Variants in REXO5 observed in about 807,000 individuals in gnomAD.
REXO5 encodes the protein RNA exonuclease 5, also known as exonuclease NEF-sp.
Under a neutral mutation model 88.5 loss-of-function variants are expected in REXO5, and 48 were observed. The ratio of observed to expected loss-of-function variants is 0.54; its 90% CI spans 0.43 to 0.69. The LOEUF is 0.69. Ranked by LOEUF, REXO5 falls within the 30% of genes least tolerant of loss-of-function variation. The pLI is 0.00. For synonymous variants in REXO5, 311 were observed against 336.5 expected (o/e 0.92, Z 0.83); for missense variants, 749 against 912.2 (o/e 0.82, Z 2.30).
At chr16:20,838,587 T>C (rs957326973) in intron 13 of REXO5, among the ~76,000 whole-genome samples, 4 of 152,228 alleles carry the variant, frequency 2.6e-5, no homozygotes, top group African/African-American at 9.6e-5. Context: ...GGGTTATGCA[T>C]GTGCCTTTAG....
chr16:20,806,606 G>A lies in REXO5; in HGVS notation c.-102G>A. On this transcript the variant is annotated 5_prime_UTR_variant, in exon 1 of 20. Transcript: ENST00000261377. ...TCTTCTGCGTTTCCCGGGCTAGGGG[G>A]CGTGGGGAGTGGTTTTAGGCGGCGA... is the stretch of plus-strand genomic sequence containing the variant. 1 of 1,413,944 alleles carries A rather than the reference G, an allele frequency of 7.1e-7. No homozygotes were observed. The highest frequency in any genetic ancestry group is 9.3e-7 in the Non-Finnish European group (1 of 1,075,482). 87.6% of individuals were successfully genotyped at this position (1,413,944 alleles called of 1,614,324 possible).
At chr16:20,807,585 GAAAAAAAA>G (rs1013842567) in intron 2 of REXO5, among the ~76,000 whole-genome samples, 2 of 50,582 alleles carry the variant, frequency 4.0e-5, no homozygotes, top group Non-Finnish European at 7.7e-5. Flanking sequence ...TCACGTCTCA[GAAAAAAAA>G]AAAAAAAAAA....
In REXO5 at chr16:20,824,540, T is replaced by C. The variant is rs1409787869; in HGVS notation, c.705+13T>C. The C allele has an allele frequency of 8.4e-6, 13 of 1,550,200 alleles. No individual in the cohort carries two copies. Among genetic ancestry groups the C allele is most frequent in the Non-Finnish European group, 1.1e-5 (12 of 1,123,076 alleles). On this transcript the variant is annotated intron_variant, in intron 7 of 19. Coordinates refer to ENST00000261377, the MANE Select transcript of REXO5 (RefSeq NM_030941.3). ...TGACTGTGAAATGGCACGTACTACT[T>C]TTAATTTTTCAATTGGAGTGTTGCA... is the stretch of plus-strand genomic sequence containing the variant.
Position 20,814,995 on chromosome 16 carries a change from A to T in REXO5, c.320A>T (p.Gln107Leu). The change falls in exon 4 of 20, where the codon CAG becomes CTG. Residue 107 changes from glutamine to leucine, a missense_variant. By Grantham distance (113) the Gln-to-Leu change is moderately radical. Transcript: ENST00000261377. ...GTTTTTGTTCTGCAGGGAATGAGTC[A>T]GCTACACTTTTACAGGTTCTATTTG... The part of the protein sequence containing the change: ...VVVFVLQGMS[Q>L]LHFYRFYLEF... 1 of 1,613,980 alleles carries T rather than the reference A, an allele frequency of 6.2e-7. No homozygotes were observed. The highest frequency in any genetic ancestry group is 8.5e-7 in the Non-Finnish European group (1 of 1,179,982).
chr16:20,809,009 G>C (rs1159527863), intron 2 of REXO5: 1 of 151,720 alleles, frequency 6.6e-6, no homozygotes, highest in Non-Finnish European at 1.5e-5. Context: ...TTACATGTGT[G>C]AGCCACTGCA....
At chr16:20,816,294 C>A in intron 5 of REXO5, 82 bp downstream of exon 5, 1 of 1,178,598 alleles carries the variant, frequency 8.5e-7, no homozygotes, top group Non-Finnish European at 1.2e-6. Flanking sequence ...CACAACAAAA[C>A]TCAATTCTAA....
chr16:20,806,931 C>G (rs1355008736), intron 1 of REXO5, 21 bp from the exon 2 acceptor site: 1 of 1,567,986 alleles, frequency 6.4e-7, no homozygotes, highest in Non-Finnish European at 8.7e-7. Context: ...TTCCCCAGCT[C>G]TACCTCATCT....
chr16:20,844,607 A>G (rs1330656474), intron 16 of REXO5, 22 bp from the exon 17 acceptor site: 1 of 1,608,996 alleles, frequency 6.2e-7, no homozygotes, highest in Non-Finnish European at 8.5e-7. Flanking sequence ...TTCTACCACT[A>G]ACACCAACTT....
intron 11 of REXO5, among the ~76,000 whole-genome samples, chr16:20,831,928 A>T (rs1442357732): frequency 6.6e-6 from 1 of 152,222 alleles, no homozygotes; most frequent in East Asian, 1.9e-4. Flanking sequence ...TAACAATGTT[A>T]GTAGCTGATA....
At chr16:20,811,823 A>G (rs183460277) in intron 2 of REXO5, among the ~76,000 whole-genome samples, 24 of 152,384 alleles carry the variant, frequency 1.6e-4, no homozygotes, top group Admixed American at 1.6e-3. Context: ...TTAAGTACTT[A>G]TGTCAGGTAC....
At chr16:20,810,649 G>T (rs901773452) in intron 2 of REXO5, among the ~76,000 whole-genome samples, 2 of 152,110 alleles carry the variant, frequency 1.3e-5, no homozygotes, top group Non-Finnish European at 2.9e-5. Context: ...GCCCACCTCG[G>T]CTTCGCAAAG....
At position 20,847,276 on chromosome 16, in the gene REXO5, A is replaced by C. The variant is rs565387879; in HGVS notation, c.2243+937A>C. Among the ~76,000 whole-genome samples, 27 of 151,030 alleles carry C rather than the reference A, an allele frequency of 1.8e-4. 1 individual carries two copies. The highest frequency in any genetic ancestry group is 4.6e-4 in the Admixed American group (7 of 15,184). On this transcript the variant is annotated intron_variant, in intron 19 of 19. Transcript: ENST00000261377. ...AACACACACACAAAAAAAAAAACAA[A>C]AAAAAAAAACCCAGCCAGGTTTGGT...
intron 11 of REXO5, among the ~76,000 whole-genome samples, chr16:20,831,135 A>T (rs2081338220): frequency 6.6e-6 from 1 of 151,870 alleles, no homozygotes; most frequent in Non-Finnish European, 1.5e-5. Context: ...CCAGCTACAA[A>T]TAACTTACTT....
rs185618153 is a variant in REXO5, at chr16:20,841,744, G to A, written c.1626+1276G>A. On this transcript the variant is annotated intron_variant, in intron 15 of 19. Transcript: ENST00000261377. ...CCTCAGCCTCCCAAGTAGCTGAGAC[G>A]ACAGGTATGTGCCCCCACGCCTGGC... Among the ~76,000 whole-genome samples the A allele has an allele frequency of 1.8e-3, 271 of 152,110 alleles. 8 individuals are homozygous for A. The South Asian group carries it at 0.05, about 28-fold the overall frequency.
rs578016722 is a variant in REXO5 at position 20,845,375 on chromosome 16, C to A, written c.2124+134C>A. 9 of 634,424 alleles carry A rather than the reference C, an allele frequency of 1.4e-5. No individual in the cohort carries two copies. In the African/African-American group the frequency reaches 1.7e-4, roughly 12 times the overall value. The allele number at this position is 634,424 out of a possible 1,614,324, so 39.3% of individuals were successfully genotyped here. On this transcript the variant is annotated intron_variant, in intron 18 of 19. Coordinates refer to ENST00000261377, the MANE Select transcript of REXO5 (RefSeq NM_030941.3). ...CTCTCCAGCTTCCTCCAGTCCTGGC[C>A]ACATCTTTTCTCGCAGATCTCTCAT... is the stretch of plus-strand genomic sequence containing the variant.
At chr16:20,833,291 C>G (rs887789411) in intron 13 of REXO5, among the ~76,000 whole-genome samples, 168 bp downstream of exon 13, 1 of 152,172 alleles carries the variant, frequency 6.6e-6, no homozygotes, top group African/African-American at 2.4e-5. Context: ...CTCATAGGGG[C>G]AGAACTGTCA....
At chr16:20,847,223 A>C (rs1400926920) in intron 19 of REXO5, among the ~76,000 whole-genome samples, 2 of 151,052 alleles carry the variant, frequency 1.3e-5, no homozygotes, top group African/African-American at 4.9e-5. Context: ...CAGACTAGGC[A>C]ACATGACAAG....
At chr16:20,849,214 CCT>C (rs1267151910) in intron 19 of REXO5, among the ~76,000 whole-genome samples, 183 bp from the exon 20 acceptor site, 1 of 152,240 alleles carries the variant, frequency 6.6e-6, no homozygotes, top group Non-Finnish European at 1.5e-5. Context: ...TGAATCTAGA[CCT>C]CTGAGACTCA....
chr16:20,832,898 A>G (rs1040631128), intron 12 of REXO5, 105 bp from the exon 13 acceptor site: 3 of 986,166 alleles, frequency 3.0e-6, no homozygotes, highest in Admixed American at 2.3e-5. Context: ...TTTAATAGCT[A>G]TATATTGCTA....
Sources: gnomAD v4.1 joint callset for allele counts (sites outside exome capture counted in the v4.1 genomes callset) on GRCh38, gnomAD v4.1.1 for gene constraint, MANE v1.5 for transcripts, NCBI Gene and HGNC (gene_info 2026-07-23, HGNC 2026-07-21) for gene names.